MYO16: variants seen among roughly 807,000 people sequenced by gnomAD.
MYO16 encodes the protein myosin XVI, also known as unconventional myosin-XVI.
Under a neutral mutation model 205.3 loss-of-function variants are expected in MYO16, and 94 were observed. The ratio of observed to expected loss-of-function variants is 0.46; its 90% CI spans 0.39 to 0.54. The LOEUF (loss-of-function observed/expected upper bound fraction) is 0.54, where lower values mean the gene tolerates loss of function less well. MYO16 is among the 20% of genes least tolerant of loss of function. MYO16 has a pLI of 0.00. For missense variants in MYO16, 2,315 were observed against 2,387.5 expected (o/e 0.97, Z 0.63); for synonymous variants, 988 against 954.0 (o/e 1.04, Z -0.66).
At chr13:108,976,783 C>T (rs1369808057) in intron 20 of MYO16, among the ~76,000 whole-genome samples, 1 of 152,116 alleles carries the variant, frequency 6.6e-6, no homozygotes, top group African/African-American at 2.4e-5. Context: ...AAAAGCCTCT[C>T]TTTTTATATG....
At chr13:109,155,497 T>C (rs147854027) in intron 32 of MYO16, among the ~76,000 whole-genome samples, 1 of 152,148 alleles carries the variant, frequency 6.6e-6, no homozygotes. Context: ...ACGCAACCTT[T>C]CCAAGGTCTG....
At chr13:109,102,415 CTTA>C (rs1420090279) in intron 28 of MYO16, among the ~76,000 whole-genome samples, 1 of 151,666 alleles carries the variant, frequency 6.6e-6, no homozygotes, top group Non-Finnish European at 1.5e-5. Context: ...CTAAGATATT[CTTA>C]TTGTATTATT....
intron 34 of MYO16, among the ~76,000 whole-genome samples, chr13:109,201,047 T>C (rs926242949): frequency 1.3e-5 from 2 of 152,108 alleles, no homozygotes; most frequent in African/African-American, 2.4e-5. Flanking sequence ...TTCTGTTTGT[T>C]TGTCTAGTTT....
At position 108,911,066 on chromosome 13, in the gene MYO16, C is replaced by CACACACACACACACACAG. The variant is rs59417999; in HGVS notation, c.1925+917_1925+918insCACACACACACACACAGA. 4.9e-3 allele frequency among the ~76,000 whole-genome samples: 706 copies of CACACACACACACACACAG among 143,076 alleles called. 7 individuals are homozygous for CACACACACACACACACAG. The highest frequency in any genetic ancestry group is 0.015 in the African/African-American group (572 of 37,940). 93.9% of individuals were successfully genotyped at this position (143,076 alleles called of 152,430 possible). A position where few individuals can be genotyped will look rare whatever the true frequency, so the allele number is the denominator to read the frequency against. On this transcript the variant is annotated intron_variant, in intron 16 of 34. Coordinates refer to ENST00000457511, the MANE Select transcript of MYO16 (RefSeq NM_001198950.3). ...ACACACACACACACACACACACACA[C>CACACACACACACACACAG]AGAGAGAGAGAAGGGTTGCTTCACT...
chr13:108,598,593 G>A (rs1878646294), intron 1 of MYO16, among the ~76,000 whole-genome samples: 1 of 152,136 alleles, frequency 6.6e-6, no homozygotes, highest in African/African-American at 2.4e-5. Flanking sequence ...TCCACTTTCT[G>A]TTCCTGGACT....
Position 109,175,062 on chromosome 13 carries a change from T to C in MYO16, c.5324-4480T>C, listed in dbSNP as rs530764677. Among the ~76,000 whole-genome samples the C allele has an allele frequency of 9.9e-5, 15 of 152,248 alleles. No homozygotes were observed. In the East Asian group the frequency reaches 1.7e-3, roughly 18 times the overall value. On this transcript the variant is annotated intron_variant, in intron 33 of 34. Transcript: ENST00000457511. Reference sequence around the variant, plus strand: ...ACTGCACCCAGCCCTCATTCTTTTCTTTTTATAAGAATTTACATGAACCCA... The same window carrying C: ...ACTGCACCCAGCCCTCATTCTTTTCCTTTTATAAGAATTTACATGAACCCA...
rs199777754 is a variant in MYO16, at chr13:109,140,477, C to G, written c.4265C>G (p.Ala1422Gly). ...CCGCAGTGCGCGCTGCCCCCGGCGGCGCCTCCGGGTGACGAGGACGACAGC... is the reference window on the plus strand; with the variant it reads ...CCGCAGTGCGCGCTGCCCCCGGCGGGGCCTCCGGGTGACGAGGACGACAGC... ...GTPQCALPPA[A>G]PPGDEDDSEP... Residue 1422 changes from alanine to glycine, a missense_variant, in exon 32 of 35, where the codon GCG (alanine) becomes GGG (glycine). Coordinates refer to ENST00000457511, the MANE Select transcript of MYO16 (RefSeq NM_001198950.3). The surrounding 1 kb of genome is among the most constrained non-coding windows in gnomAD (Gnocchi z 8.0). 1 of 1,537,944 alleles carries G rather than the reference C, an allele frequency of 6.5e-7. No homozygotes were observed. Among genetic ancestry groups the G allele is most frequent in the South Asian group, 1.2e-5 (1 of 84,414 alleles).
At position 109,141,049 on chromosome 13, in the gene MYO16, G is replaced by A. The variant is rs1877059523; in HGVS notation, c.4837G>A (p.Ala1613Thr). 1.4e-6 allele frequency: 2 copies of A among 1,389,528 alleles called. No individual in the cohort carries two copies. The highest frequency in any genetic ancestry group is 1.9e-6 in the Non-Finnish European group (2 of 1,077,578). The allele number at this position is 1,389,528 out of a possible 1,614,324, so 86.1% of individuals were successfully genotyped here. ...GCCCCCCGCGCCCTACAGGCCCTGC[G>A]CGCACTTGGCCTTCCCGCCGGAGCC... Reference protein sequence around the residue: ...GPPPAPYRPCAHLAFPPEPAP... With the variant: ...GPPPAPYRPCTHLAFPPEPAP... Residue 1613 changes from alanine (A) to threonine (T), a missense_variant, in exon 32 of 35, where the codon GCG (alanine) becomes ACG (threonine). By Grantham distance (58) the Ala-to-Thr change is moderately conservative. Coordinates refer to ENST00000457511, the MANE Select transcript of MYO16 (RefSeq NM_001198950.3). The surrounding 1 kb of genome is among the most constrained non-coding windows in gnomAD (Gnocchi z 4.1).
the MYO16 span, among the ~76,000 whole-genome samples, chr13:108,555,376 G>A: frequency 6.6e-6 from 1 of 152,262 alleles, no homozygotes; most frequent in South Asian, 2.1e-4. Context: ...TTTTGAAATA[G>A]AATTTGGAGC....
At chr13:109,131,526 C>CT (rs896329848) in intron 31 of MYO16, among the ~76,000 whole-genome samples, 30 of 149,222 alleles carry the variant, frequency 2.0e-4, no homozygotes, top group South Asian at 4.2e-4. Flanking sequence ...CTAGAGACAA[C>CT]TTTTTTTTTT....
chr13:109,040,555 A>G (rs1397625653), intron 23 of MYO16, among the ~76,000 whole-genome samples: 1 of 152,140 alleles, frequency 6.6e-6, no homozygotes, highest in Non-Finnish European at 1.5e-5. Flanking sequence ...AGCTGATTCA[A>G]TATCTCAAAA....
chr13:108,560,717 A>G, the MYO16 span, among the ~76,000 whole-genome samples: 6 of 152,184 alleles, frequency 3.9e-5, no homozygotes, highest in African/African-American at 1.2e-4. Context: ...CTTTTTAGGA[A>G]ATACAAACAA....
At chr13:108,769,298 G>A (rs1885883845) in intron 4 of MYO16, among the ~76,000 whole-genome samples, 1 of 152,130 alleles carries the variant, frequency 6.6e-6, no homozygotes, top group African/African-American at 2.4e-5. Context: ...CAGAGAGGTT[G>A]GGGCAGAAGG....
rs115675790 is a variant in MYO16, at chr13:109,161,674, C to T, written c.5165-3227C>T. Among the ~76,000 whole-genome samples the T allele has an allele frequency of 3.9e-4, 59 of 152,160 alleles. 1 individual carries two copies. Among genetic ancestry groups the T allele is most frequent in the African/African-American group, 1.4e-3 (58 of 41,524 alleles). On this transcript the variant is annotated intron_variant, in intron 32 of 34. Coordinates refer to ENST00000457511, the MANE Select transcript of MYO16 (RefSeq NM_001198950.3). Reference sequence around the variant, plus strand: ...CTTTTCCCTTATTCCCATCCAGAGCCAGGCTTAAGTAGATAAATGTTTTTA... The same window carrying T: ...CTTTTCCCTTATTCCCATCCAGAGCTAGGCTTAAGTAGATAAATGTTTTTA...
chr13:108,703,568 T>G (rs1883389352), intron 2 of MYO16, among the ~76,000 whole-genome samples: 1 of 152,142 alleles, frequency 6.6e-6, no homozygotes, highest in Non-Finnish European at 1.5e-5. Flanking sequence ...CAGAAATTTA[T>G]CAAACATACT....
At chr13:108,899,965 C>CT (rs1411293420) in intron 15 of MYO16, among the ~76,000 whole-genome samples, 2 of 152,190 alleles carry the variant, frequency 1.3e-5, no homozygotes, top group African/African-American at 4.8e-5. Flanking sequence ...TCTGAGAGCT[C>CT]TGAGAGCTGA....
the MYO16 span, among the ~76,000 whole-genome samples, chr13:108,571,775 GA>G: frequency 0.022 from 3,003 of 137,980 alleles, 75 homozygotes; most frequent in African/African-American, 0.066. Context: ...TTCTATATTT[GA>G]AAAAAAAAAA....
At chr13:108,732,164 C>T (rs141337631) in intron 4 of MYO16, among the ~76,000 whole-genome samples, 64 of 152,286 alleles carry the variant, frequency 4.2e-4, no homozygotes, top group Non-Finnish European at 8.2e-4. Flanking sequence ...CTGTATGCTC[C>T]ATCTTCTTTC....
intron 1 of MYO16, among the ~76,000 whole-genome samples, chr13:108,652,214 C>T (rs1195758485): frequency 6.6e-6 from 1 of 152,136 alleles, no homozygotes; most frequent in Non-Finnish European, 1.5e-5. Flanking sequence ...TCTACAGCAC[C>T]TGCATGTAAG....
Sources: allele counts gnomAD v4.1 joint callset (sites outside exome capture counted in the v4.1 genomes callset), GRCh38; gene constraint gnomAD v4.1.1; non-coding constraint Gnocchi (gnomAD v3.1); transcripts MANE v1.5; gene names NCBI Gene and HGNC (gene_info 2026-07-23, HGNC 2026-07-21).